The following CSMD1 variants were observed in gnomAD, a reference collection of about 807,000 sequenced individuals.
CSMD1 encodes the protein CUB and Sushi multiple domains 1.
A neutral mutation model predicts 417.5 loss-of-function variants in CSMD1; 213 were observed. That is an observed-to-expected ratio of 0.51 (90% CI 0.46 to 0.57). The LOEUF (loss-of-function observed/expected upper bound fraction) is 0.57, where lower values mean the gene tolerates loss of function less well. Ranked by LOEUF, CSMD1 falls within the 20% of genes least tolerant of loss-of-function variation. The pLI, the probability that CSMD1 is intolerant of heterozygous loss-of-function variation, is 0.00. For synonymous variants in CSMD1, 2,862 were observed against 1,736.8 expected (o/e 1.65, Z -16.11); for missense variants, 6,923 against 4,529.7 (o/e 1.53, Z -15.17).
rs371607593 is a variant in CSMD1 at position 3,387,686 on chromosome 8, G to C, written c.2594-4C>G. ...GAATCCGACTCAAGCGTCACACCTG[G>C]ATGCACAGAACGAATGCAGTCGATG... On this transcript the variant is annotated splice_region_variant and splice_polypyrimidine_tract_variant and intron_variant, in intron 17 of 69. Coordinates refer to ENST00000635120, the MANE Select transcript of CSMD1 (RefSeq NM_033225.6). The C allele has an allele frequency of 5.7e-6, 9 of 1,590,962 alleles. No homozygotes were observed. The highest frequency in any genetic ancestry group is 1.8e-5 in the Admixed American group (1 of 56,510).
chr8:4,407,199 G>C (rs1279070370), intron 3 of CSMD1, among the ~76,000 whole-genome samples: 1 of 152,184 alleles, frequency 6.6e-6, no homozygotes, highest in East Asian at 1.9e-4. Flanking sequence ...CCTCTTTAGA[G>C]TGATCACCCC....
chr8:3,664,285 T>G (rs577529962), intron 7 of CSMD1, among the ~76,000 whole-genome samples: 2 of 152,290 alleles, frequency 1.3e-5, no homozygotes, highest in South Asian at 4.2e-4. Context: ...CATGCGGTGT[T>G]TGGTTTTCTG....
intron 5 of CSMD1, among the ~76,000 whole-genome samples, chr8:3,876,219 C>G (rs370860351): frequency 2.0e-5 from 3 of 152,102 alleles, no homozygotes; most frequent in Non-Finnish European, 4.4e-5. Context: ...TCCTCTCACC[C>G]CTGATATCGC....
intron 2 of CSMD1, among the ~76,000 whole-genome samples, chr8:4,489,838 C>G (rs1801611278): frequency 6.6e-6 from 1 of 152,150 alleles, no homozygotes; most frequent in Non-Finnish European, 1.5e-5. Flanking sequence ...GACTTGCAGC[C>G]TTGTGAGGTC....
intron 5 of CSMD1, among the ~76,000 whole-genome samples, chr8:3,942,204 T>C (rs1298867303): frequency 6.6e-6 from 1 of 151,942 alleles, no homozygotes; most frequent in Non-Finnish European, 1.5e-5. Flanking sequence ...TACATTATGG[T>C]GACTTGTATT....
chr8:3,893,362 T>TATATATATATATATATATATATATATATA (rs1554476819), intron 5 of CSMD1, among the ~76,000 whole-genome samples: 22 of 125,610 alleles, frequency 1.8e-4, no homozygotes, highest in Non-Finnish European at 2.6e-4. Flanking sequence ...TATATATATA[T>TATATATATATATATATATATATATATATA]TATTTTTTTT....
intron 41 of CSMD1, among the ~76,000 whole-genome samples, chr8:3,133,609 C>T (rs1336867014): frequency 6.6e-6 from 1 of 152,062 alleles, no homozygotes; most frequent in African/African-American, 2.4e-5. Flanking sequence ...GGCTTTAGGG[C>T]TGCAGTCAGG....
chr8:4,362,440 G>C (rs1301874690), intron 3 of CSMD1, among the ~76,000 whole-genome samples: 1 of 152,174 alleles, frequency 6.6e-6, no homozygotes. Context: ...GACAAGAAGA[G>C]TTTTGTTAAA....
chr8:3,308,694 G>A (rs1462882505), intron 23 of CSMD1, among the ~76,000 whole-genome samples, 191 bp from the exon 24 acceptor site: 7 of 148,162 alleles, frequency 4.7e-5, no homozygotes, highest in Non-Finnish European at 5.9e-5. Flanking sequence ...GTGATTTCTT[G>A]AAGTTCGGTC....
intron 3 of CSMD1, among the ~76,000 whole-genome samples, chr8:4,306,819 C>A (rs190834685): frequency 9.6e-4 from 131 of 135,822 alleles, no homozygotes; most frequent in Non-Finnish European, 1.6e-3. Context: ...CAATCAATCC[C>A]TAACATCTCC....
intron 1 of CSMD1, among the ~76,000 whole-genome samples, chr8:4,882,394 G>A (rs1173601679): frequency 6.6e-6 from 1 of 151,756 alleles, no homozygotes; most frequent in Non-Finnish European, 1.5e-5. Context: ...GAGTATTGGG[G>A]AGCGAGTTTG....
At chr8:2,944,116 T>G (rs1321339648) in intron 68 of CSMD1, among the ~76,000 whole-genome samples, 2 of 152,198 alleles carry the variant, frequency 1.3e-5, no homozygotes, top group Non-Finnish European at 2.9e-5. Flanking sequence ...ACTACTTATC[T>G]TTTTGAGATC....
intron 12 of CSMD1, among the ~76,000 whole-genome samples, chr8:3,466,555 A>G (rs1044153764): frequency 1.5e-3 from 222 of 146,344 alleles, no homozygotes; most frequent in African/African-American, 5.4e-3. Context: ...GATTACAGGT[A>G]CCCACCCTCC....
At chr8:3,629,987 C>T (rs147926081) in intron 7 of CSMD1, among the ~76,000 whole-genome samples, 105 of 152,262 alleles carry the variant, frequency 6.9e-4, no homozygotes, top group African/African-American at 2.3e-3. Flanking sequence ...AAAATGTTGA[C>T]GTATATTTGA....
intron 7 of CSMD1, among the ~76,000 whole-genome samples, chr8:3,674,820 C>G (rs773649098): frequency 1.3e-5 from 2 of 152,094 alleles, no homozygotes; most frequent in South Asian, 2.1e-4. Context: ...TGAGGCTGCA[C>G]TGAAGTTATC....
intron 3 of CSMD1, among the ~76,000 whole-genome samples, chr8:4,376,454 G>A (rs192349605): frequency 3.3e-5 from 5 of 152,068 alleles, no homozygotes; most frequent in African/African-American, 7.2e-5. Flanking sequence ...GGCTTATTCT[G>A]TAGAAACATC....
intron 7 of CSMD1, among the ~76,000 whole-genome samples, chr8:3,678,983 C>T (rs920629328): frequency 6.6e-6 from 1 of 152,112 alleles, no homozygotes; most frequent in Non-Finnish European, 1.5e-5. Context: ...CAAGCAAATG[C>T]TGAGAGATTT....
At chr8:3,131,020 C>T (rs561095561) in intron 41 of CSMD1, among the ~76,000 whole-genome samples, 4 of 152,312 alleles carry the variant, frequency 2.6e-5, no homozygotes, top group Admixed American at 6.5e-5. Flanking sequence ...GGTCCTCCAG[C>T]GTTCATAACT....
intron 5 of CSMD1, among the ~76,000 whole-genome samples, chr8:3,933,187 C>G (rs1395228756): frequency 7.4e-6 from 1 of 135,744 alleles, no homozygotes; most frequent in Non-Finnish European, 1.6e-5. Flanking sequence ...CCTAGTGAAT[C>G]TCCATTTTTT....
Sources: gnomAD v4.1 joint callset for allele counts (sites outside exome capture counted in the v4.1 genomes callset) on GRCh38, gnomAD v4.1.1 for gene constraint, MANE v1.5 for transcripts, NCBI Gene and HGNC (gene_info 2026-07-23, HGNC 2026-07-21) for gene names.